The following MCTP1 variants were observed in gnomAD, a reference collection of about 807,000 sequenced individuals.
MCTP1 encodes multiple C2 and transmembrane domain containing 1, also known as multiple C2 and transmembrane domain-containing protein 1.
Under a neutral mutation model 120.6 loss-of-function variants are expected in MCTP1, and 69 were observed. The ratio of observed to expected loss-of-function variants is 0.57; its 90% CI spans 0.47 to 0.70. The LOEUF (loss-of-function observed/expected upper bound fraction) is 0.70. Among genes scored for constraint, MCTP1 ranks in the 30% least tolerant of loss-of-function variants. MCTP1 has a pLI of 0.00. For synonymous variants in MCTP1, 529 were observed against 493.1 expected (o/e 1.07, Z -0.96); for missense variants, 1,203 against 1,248.8 (o/e 0.96, Z 0.55).
chr5:95,150,149 T>G (rs1368463321), intron 1 of MCTP1, among the ~76,000 whole-genome samples: 1 of 152,250 alleles, frequency 6.6e-6, no homozygotes, highest in Non-Finnish European at 1.5e-5. Flanking sequence ...TTTAAATGAT[T>G]TTTGATGAAA....
At chr5:95,023,748 T>A (rs1171793126) in intron 1 of MCTP1, among the ~76,000 whole-genome samples, 1 of 152,192 alleles carries the variant, frequency 6.6e-6, no homozygotes. Context: ...AAAGTGTTCA[T>A]GAAGCTTCCA....
intron 1 of MCTP1, among the ~76,000 whole-genome samples, chr5:95,197,895 C>T (rs937055936): frequency 3.3e-5 from 5 of 152,076 alleles, no homozygotes; most frequent in Non-Finnish European, 7.4e-5. Flanking sequence ...CATTCTCCTA[C>T]GTACTTGACA....
At chr5:95,165,336 AT>A (rs1469580306) in intron 1 of MCTP1, among the ~76,000 whole-genome samples, 1 of 152,160 alleles carries the variant, frequency 6.6e-6, no homozygotes, top group Non-Finnish European at 1.5e-5. Flanking sequence ...CACCAAATTT[AT>A]TTGGGACCCT....
At chr5:94,941,732 T>C (rs1414340280) in intron 4 of MCTP1, among the ~76,000 whole-genome samples, 1 of 152,044 alleles carries the variant, frequency 6.6e-6, no homozygotes, top group Non-Finnish European at 1.5e-5. Flanking sequence ...TATGTTGAAA[T>C]TCACTTTGAA....
chr5:94,859,768 T>C lies in MCTP1; in HGVS notation c.2436+8565A>G, dbSNP rs1581072221. ...ACTCTACTAACATCACGTCAAAATA[T>C]AACACTTCTCGTATACAACCAGTAT... On this transcript the variant is annotated intron_variant, in intron 17 of 22. Coordinates refer to ENST00000515393, the MANE Select transcript of MCTP1 (RefSeq NM_024717.7). 2.6e-5 allele frequency among the ~76,000 whole-genome samples: 4 copies of C among 151,836 alleles called. No individual in the cohort carries two copies. In the South Asian group the frequency reaches 8.3e-4, roughly 31 times the overall value.
rs142640943 is a variant in MCTP1, at chr5:95,116,067, G to C, written c.721-98583C>G. ...CTTTTACTCTAGAAAAATGTCCTTC[G>C]AACACGAAGGAGAAATAAACACTTT... On this transcript the variant is annotated intron_variant, in intron 1 of 22. Coordinates refer to ENST00000515393, the MANE Select transcript of MCTP1 (RefSeq NM_024717.7). Among the ~76,000 whole-genome samples, 993 of 151,242 alleles carry C rather than the reference G, an allele frequency of 6.6e-3. 8 individuals carry two copies. The highest frequency in any genetic ancestry group is 0.023 in the African/African-American group (950 of 41,262).
chr5:95,128,727 G>A (rs1347375796), intron 1 of MCTP1, among the ~76,000 whole-genome samples: 3 of 152,174 alleles, frequency 2.0e-5, no homozygotes, highest in Non-Finnish European at 4.4e-5. Context: ...ATTTCTTCTT[G>A]GGTGAATGAA....
At chr5:95,062,637 T>A (rs996660607) in intron 1 of MCTP1, among the ~76,000 whole-genome samples, 3 of 152,170 alleles carry the variant, frequency 2.0e-5, no homozygotes, top group Non-Finnish European at 4.4e-5. Flanking sequence ...CCTTCTGGTA[T>A]CTGCATTATT....
At chr5:94,956,282 G>T (rs1447205010) in intron 2 of MCTP1, among the ~76,000 whole-genome samples, 1 of 152,034 alleles carries the variant, frequency 6.6e-6, no homozygotes, top group Non-Finnish European at 1.5e-5. Flanking sequence ...AAAGACCAAA[G>T]GTAGATGAAT....
rs189323240 is a variant in MCTP1 at position 94,799,123 on chromosome 5, A to G, written c.2446T>C (p.Phe816Leu). The change falls in exon 18 of 23, where the codon TTT becomes CTT. Residue 816 changes from phenylalanine to leucine, a missense_variant. By Grantham distance (22) the Phe-to-Leu change is conservative. Around this residue, in one of 2 missense-constraint regions of MCTP1, gnomAD observed 740 missense variants for 871.1 expected, o/e 0.85. Coordinates refer to ENST00000515393, the MANE Select transcript of MCTP1 (RefSeq NM_024717.7). ...RSLAAFVLFL[F>L]VVWNFELYMI... is the part of the protein sequence containing the mutation. ...TAGAGCTCAAAGTTCCAGACAACAA[A>G]GAGAAAGAGCTGGAGGAGATAGAAG... 5.0e-6 allele frequency: 8 copies of G among 1,611,590 alleles called. No homozygotes were observed. The Admixed American group carries it at 1.3e-4, about 27-fold the overall frequency.
intron 1 of MCTP1, among the ~76,000 whole-genome samples, chr5:95,063,055 C>T (rs1403987322): frequency 9.2e-5 from 14 of 152,066 alleles, no homozygotes; most frequent in Admixed American, 3.3e-4. Context: ...TGTGTTCAAG[C>T]GATCCTCCCG....
At chr5:94,827,318 G>C (rs769376185) in intron 17 of MCTP1, among the ~76,000 whole-genome samples, 2 of 152,128 alleles carry the variant, frequency 1.3e-5, no homozygotes, top group African/African-American at 2.4e-5. Context: ...CTGGCTTGTA[G>C]GGCTTCTGCA....
rs554868777 is a variant in MCTP1 at position 94,884,512 on chromosome 5, A to G, written c.1933+4367T>C. 2.7e-5 allele frequency among the ~76,000 whole-genome samples: 4 copies of G among 150,286 alleles called. No homozygotes were observed. The East Asian group carries it at 7.9e-4, about 30-fold the overall frequency. On this transcript the variant is annotated intron_variant, in intron 12 of 22. Coordinates refer to ENST00000515393, the MANE Select transcript of MCTP1 (RefSeq NM_024717.7). Reference sequence around the variant, plus strand: ...TGGAAGTGTGAAATCAGACCTCATGAGTTGAACGGTTCCCCAGGGAACGCC... The same window carrying G: ...TGGAAGTGTGAAATCAGACCTCATGGGTTGAACGGTTCCCCAGGGAACGCC...
At chr5:95,138,388 A>G (rs899178903) in intron 1 of MCTP1, among the ~76,000 whole-genome samples, 11 of 152,212 alleles carry the variant, frequency 7.2e-5, no homozygotes, top group Non-Finnish European at 1.5e-4. Flanking sequence ...AGCCTTGTCA[A>G]TCTCCATCCA....
At chr5:94,906,398 A>G (rs1282241658) in intron 10 of MCTP1, among the ~76,000 whole-genome samples, 1 of 152,100 alleles carries the variant, frequency 6.6e-6, no homozygotes, top group Non-Finnish European at 1.5e-5. Flanking sequence ...AGGTGGGAGG[A>G]TCGCTTGAGC....
At chr5:94,855,160 C>A (rs1455419908) in intron 17 of MCTP1, among the ~76,000 whole-genome samples, 1 of 151,796 alleles carries the variant, frequency 6.6e-6, no homozygotes, top group Non-Finnish European at 1.5e-5. Context: ...GTTACATAGC[C>A]CTTACATGGC....
chr5:94,939,003 TTAAAAAGAAAA>T (rs1816890808), intron 5 of MCTP1, among the ~76,000 whole-genome samples: 1 of 152,094 alleles, frequency 6.6e-6, no homozygotes, highest in Admixed American at 6.6e-5. Flanking sequence ...CAATTCTTAT[TTAAAAAGAAAA>T]ATTTCTTCCT....
At chr5:95,268,148 A>G (rs191499467) in intron 1 of MCTP1, among the ~76,000 whole-genome samples, 149 of 152,352 alleles carry the variant, frequency 9.8e-4, no homozygotes, top group African/African-American at 3.2e-3. Context: ...AACAATTTGC[A>G]TATTTTTTAA....
intron 17 of MCTP1, among the ~76,000 whole-genome samples, chr5:94,815,401 T>A (rs7731323): frequency 6.6e-6 from 1 of 152,212 alleles, no homozygotes; most frequent in Non-Finnish European, 1.5e-5. Context: ...TCTCTATCTA[T>A]CAATTGCTGC....
Sources: gnomAD v4.1 joint callset for allele counts (sites outside exome capture counted in the v4.1 genomes callset) on GRCh38, gnomAD v4.1.1 for gene constraint, gnomAD v4.1.1 regional missense constraint, MANE v1.5 for transcripts, NCBI Gene and HGNC (gene_info 2026-07-23, HGNC 2026-07-21) for gene names.